FOXRED2: variants seen among roughly 807,000 people sequenced by gnomAD.
FOXRED2 encodes FAD dependent oxidoreductase domain containing 2.
In FOXRED2, 32 loss-of-function variants were observed where a neutral mutation model predicts 52.5. The ratio of observed to expected loss-of-function variants is 0.61; its 90% confidence interval spans 0.46 to 0.82. The LOEUF is 0.82. Among genes scored for constraint, FOXRED2 ranks in the 40% least tolerant of loss-of-function variants. The pLI, the probability that FOXRED2 is intolerant of heterozygous loss-of-function variation, is 0.00. For synonymous variants in FOXRED2, 405 were observed against 398.1 expected (o/e 1.02, Z -0.21); for missense variants, 848 against 937.5 (o/e 0.90, Z 1.25).
intron 5 of FOXRED2, among the ~76,000 whole-genome samples, chr22:36,500,760 T>C (rs1934022060): frequency 6.6e-6 from 1 of 151,752 alleles, no homozygotes; most frequent in South Asian, 2.1e-4. Context: ...ATTTTTGTAT[T>C]TTTAGTAGAG....
intron 5 of FOXRED2, among the ~76,000 whole-genome samples, chr22:36,500,443 G>C (rs1304360059): frequency 6.6e-6 from 1 of 151,944 alleles, no homozygotes; most frequent in Non-Finnish European, 1.5e-5. Flanking sequence ...TTTTTGGTTG[G>C]GGATTATTTT....
intron 4 of FOXRED2, among the ~76,000 whole-genome samples, chr22:36,503,091 T>C (rs5756225): frequency 0.6 from 91,394 of 151,588 alleles, 28,947 homozygotes; most frequent in Non-Finnish European, 0.71. Context: ...TGGGCTCAAG[T>C]AGTCCTCCCA....
chr22:36,495,014 G>A (rs558091677), intron 7 of FOXRED2, among the ~76,000 whole-genome samples: 69 of 151,782 alleles, frequency 4.5e-4, no homozygotes, highest in African/African-American at 1.5e-3. Context: ...GTACAATCTC[G>A]GCTCACTGCA....
chr22:36,492,854 C>T (rs1034182652), intron 8 of FOXRED2, among the ~76,000 whole-genome samples: 1 of 152,214 alleles, frequency 6.6e-6, no homozygotes, highest in African/African-American at 2.4e-5. Flanking sequence ...GCATTTGCTT[C>T]TGTGATTTCT....
chr22:36,489,702 G>A lies in FOXRED2; in HGVS notation c.*306C>T, dbSNP rs1384469605. The stretch of plus-strand genomic sequence containing the variant: ...TGGAAGGAAGAGGAGCACTTGAGAC[G>A]GGGCAGAACTGGGCTGGCCTGGGGC... On this transcript the variant is annotated 3_prime_UTR_variant, in exon 9 of 9. Transcript: ENST00000397224. 6 of 286,660 alleles carry A rather than the reference G, an allele frequency of 2.1e-5. No homozygotes were observed. The highest frequency in any genetic ancestry group is 3.9e-5 in the Non-Finnish European group (6 of 153,418). 17.8% of individuals were successfully genotyped at this position (286,660 alleles called of 1,614,324 possible). A position where few individuals can be genotyped will look rare whatever the true frequency, so the allele number is the denominator to read the frequency against.
chr22:36,506,406 G>T lies in FOXRED2; in HGVS notation c.17C>A (p.Ala6Glu). 1 of 1,436,812 alleles carries T rather than the reference G, an allele frequency of 7.0e-7. No homozygotes were observed. The highest frequency in any genetic ancestry group is 9.1e-7 in the Non-Finnish European group (1 of 1,100,590). 89.0% of individuals were successfully genotyped at this position (1,436,812 alleles called of 1,614,324 possible). Residue 6 changes from alanine to glutamate, a missense_variant, in exon 2 of 9, where the codon GCG becomes GAG. By Grantham distance (107) the Ala-to-Glu change is moderately radical (BLOSUM62 -1). Coordinates refer to ENST00000397224, the MANE Select transcript of FOXRED2 (RefSeq NM_001102371.2). ...CCCCGGGGGACCCCACAACGGGGCC[G>T]CAGCGGAGAGGCCCATCCTGCAGCA... is the stretch of plus-strand genomic sequence containing the variant. MGLSA[A>E]APLWGPPGLL...
intron 7 of FOXRED2, 57 bp from the exon 8 acceptor site, chr22:36,493,860 C>A: frequency 6.6e-7 from 1 of 1,505,954 alleles, no homozygotes; most frequent in South Asian, 1.2e-5. Flanking sequence ...TTCCCCTCCT[C>A]GGGCCGACAC....
chr22:36,506,690 T>G, intron 1 of FOXRED2: 1 of 420,836 alleles, frequency 2.4e-6, no homozygotes, highest in Non-Finnish European at 4.2e-6. Flanking sequence ...TGTAGTAACC[T>G]CCACCCTGGG....
At position 36,490,114 on chromosome 22, in the gene FOXRED2, C is replaced by A. The variant is rs145729577; in HGVS notation, c.1949G>T (p.Arg650Leu). The A allele has an allele frequency of 8.0e-5, 129 of 1,613,820 alleles. No homozygotes were observed. Among genetic ancestry groups the A allele is most frequent in the Non-Finnish European group, 1.1e-4 (126 of 1,179,888 alleles). Reference protein sequence around the residue: ...LLRDYAPTGRRLEDSSQQLGD... With the variant: ...LLRDYAPTGRLLEDSSQQLGD... The stretch of plus-strand genomic sequence containing the variant: ...AAGCTGCTGGCTGCTGTCCTCCAGG[C>A]GCCTGCCTGTGGGGGCATAGTCCCG... The change falls in exon 9 of 9, where the codon CGC becomes CTC. Residue 650 changes from arginine (R) to leucine (L), a missense_variant. Coordinates refer to ENST00000397224, the MANE Select transcript of FOXRED2 (RefSeq NM_001102371.2).
At chr22:36,498,574 C>T (rs958889326) in intron 5 of FOXRED2, among the ~76,000 whole-genome samples, 4 of 152,168 alleles carry the variant, frequency 2.6e-5, no homozygotes, top group Non-Finnish European at 5.9e-5. Context: ...ACGTCAAGTC[C>T]AACACGGAGC....
intron 5 of FOXRED2, among the ~76,000 whole-genome samples, chr22:36,500,729 G>A (rs984117360): frequency 1.3e-5 from 2 of 151,552 alleles, no homozygotes; most frequent in African/African-American, 2.4e-5. Flanking sequence ...GACTGCAGGC[G>A]CACGCCACCA....
chr22:36,493,526 G>T lies in FOXRED2; in HGVS notation c.1795+107C>A. ...GCATTGTCGGGAACAGTAGTCTGGG[G>T]TTTGGATTTCCAGATATGGGTCCTG... On this transcript the variant is annotated intron_variant, in intron 8 of 8. Coordinates refer to ENST00000397224, the MANE Select transcript of FOXRED2 (RefSeq NM_001102371.2). 5.6e-6 allele frequency: 5 copies of T among 895,426 alleles called. No individual in the cohort carries two copies. The East Asian group carries it at 7.5e-5, about 13-fold the overall frequency. 55.5% of individuals were successfully genotyped at this position (895,426 alleles called of 1,614,324 possible). A position where few individuals can be genotyped will look rare whatever the true frequency, so the allele number is the denominator to read the frequency against.
At chr22:36,503,749 T>A (rs1934113998) in intron 4 of FOXRED2, among the ~76,000 whole-genome samples, 1 of 152,208 alleles carries the variant, frequency 6.6e-6, no homozygotes, top group Non-Finnish European at 1.5e-5. Flanking sequence ...AAGCAGAGAA[T>A]CTCAGGACAA....
chr22:36,493,395 C>T lies in FOXRED2; in HGVS notation c.1795+238G>A, dbSNP rs373687714. On this transcript the variant is annotated intron_variant, in intron 8 of 8. Transcript: ENST00000397224. ...CGGAGGTTGTAGTGAGCTGAGATTG[C>T]GCCACTACACTCCAGCCTGGGCAAC... Among the ~76,000 whole-genome samples the T allele has an allele frequency of 1.1e-4, 16 of 151,300 alleles. No homozygotes were observed. In the East Asian group the frequency reaches 2.7e-3, roughly 26 times the overall value.
chr22:36,504,664 G>GT lies in FOXRED2; in HGVS notation c.629dup (p.Asp210GlufsTer18). On this transcript the variant is annotated frameshift_variant, in exon 3 of 9. Transcript: ENST00000397224. LOFTEE classifies it high-confidence loss of function. The stretch of plus-strand genomic sequence containing the variant: ...GGATCAGCACATTCTGGCCTACAAA[G>GT]TCCTCAGGGTCCACGGACACGGACT... 3.7e-6 allele frequency: 6 copies of GT among 1,614,192 alleles called. No individual in the cohort carries two copies. The highest frequency in any genetic ancestry group is 5.1e-6 in the Non-Finnish European group (6 of 1,180,034).
chr22:36,506,207 G>A lies in FOXRED2; in HGVS notation c.216C>T (p.Tyr72=), dbSNP rs1383644146. 1 of 1,614,126 alleles carries A rather than the reference G, an allele frequency of 6.2e-7. No homozygotes were observed. The highest frequency in any genetic ancestry group is 1.1e-5 in the South Asian group (1 of 91,088). ...TGCTGATGAGCTTGCGGTGCCGCGG[G>A]TAGCGTGTGAAGAAGCTGCCGGGCC... ...APRPGSFFTR[Y]PRHRKLISIN... Residue 72 remains tyrosine, a synonymous_variant, in exon 2 of 9, where the codon TAC becomes TAT. Transcript: ENST00000397224.
chr22:36,498,105 G>A lies in FOXRED2; in HGVS notation c.1268C>T (p.Pro423Leu). Residue 423 changes from proline to leucine, a missense_variant, in exon 6 of 9, where the codon CCC (proline) becomes CTC (leucine). Pro to Leu is a moderately conservative substitution (Grantham distance 98, BLOSUM62 -3). Transcript: ENST00000397224. ...CTGTGTGATGGGGAGCTCAGTGGCG[G>A]GCCAGGTGACGCTGTGGTGGCGGTG... ...LEHRHHSVTWPATELPITQLT... is the reference protein window; with the variant it reads ...LEHRHHSVTWLATELPITQLT... 6.2e-7 allele frequency: 1 copy of A among 1,613,426 alleles called. No individual in the cohort carries two copies. The highest frequency in any genetic ancestry group is 8.5e-7 in the Non-Finnish European group (1 of 1,179,996).
Position 36,487,346 on chromosome 22 carries a change from C to T in FOXRED2, c.*2662G>A, listed in dbSNP as rs552788154. On this transcript the variant is annotated 3_prime_UTR_variant, in exon 9 of 9. Coordinates refer to ENST00000397224, the MANE Select transcript of FOXRED2 (RefSeq NM_001102371.2). ...GTTCCCCTATGGGCTAGGGTTGGAC[C>T]GCACAATCTAAGCTAATTCTGACTG... The T allele has an allele frequency of 5.3e-5, 8 of 152,260 alleles. 1 individual carries two copies. The highest frequency in any genetic ancestry group is 4.1e-4 in the South Asian group (2 of 4,820). The allele number at this position is 152,260 out of a possible 1,614,324, so 9.4% of individuals were successfully genotyped here.
chr22:36,490,815 T>G (rs1408065423), intron 8 of FOXRED2, among the ~76,000 whole-genome samples: 1 of 152,184 alleles, frequency 6.6e-6, no homozygotes, highest in Non-Finnish European at 1.5e-5. Flanking sequence ...GGTGCATGAA[T>G]CAAATTTGGT....
Sources: allele counts gnomAD v4.1 joint callset (sites outside exome capture counted in the v4.1 genomes callset), GRCh38; gene constraint gnomAD v4.1.1; transcripts MANE v1.5; gene names NCBI Gene and HGNC (gene_info 2026-07-23, HGNC 2026-07-21).